Variants in RAB7A observed in about 807,000 individuals in gnomAD.
The protein encoded by RAB7A is RAB7A, member RAS oncogene family.
RAB7A carries 2 observed loss-of-function variants against 24.5 expected under a neutral mutation model. The observed-to-expected ratio is 0.08, with a 90% CI of 0.03 to 0.26. The LOEUF (loss-of-function observed/expected upper bound fraction) is 0.26. Among genes scored for constraint, RAB7A ranks in the 10% least tolerant of loss-of-function variants. RAB7A has a pLI of 1.00. For missense variants in RAB7A, 118 were observed against 255.7 expected (o/e 0.46, Z 3.67); for synonymous variants, 100 against 95.9 (o/e 1.04, Z -0.25).
At chr3:128,765,531 A>G (rs537851145) in intron 1 of RAB7A, among the ~76,000 whole-genome samples, 1 of 152,308 alleles carries the variant, frequency 6.6e-6, no homozygotes. Context: ...TATAAACAAC[A>G]GAAGTTTATT....
chr3:128,744,594 C>T (rs1478120749), intron 1 of RAB7A, among the ~76,000 whole-genome samples: 2 of 152,218 alleles, frequency 1.3e-5, no homozygotes, highest in Non-Finnish European at 2.9e-5. Flanking sequence ...TGCTAAGCTG[C>T]TTTGGGGACC....
In RAB7A at chr3:128,807,126, G is replaced by A. The variant is rs560153757; in HGVS notation, c.400-417G>A. ...GGGAAGGAATGAGAATGTGTGAGTG[G>A]CATAGGTGACATCACACTAGCAGTA... On this transcript the variant is annotated intron_variant, in intron 4 of 5. Coordinates refer to ENST00000265062, the MANE Select transcript of RAB7A (RefSeq NM_004637.6). 3.3e-5 allele frequency among the ~76,000 whole-genome samples: 5 copies of A among 152,292 alleles called. No individual in the cohort carries two copies. The South Asian group carries it at 1.0e-3, about 32-fold the overall frequency.
At chr3:128,762,186 T>G (rs746485070) in intron 1 of RAB7A, among the ~76,000 whole-genome samples, 2 of 152,178 alleles carry the variant, frequency 1.3e-5, no homozygotes, top group Non-Finnish European at 2.9e-5. Context: ...GAGGGGAAAT[T>G]GTGCTGGCAG....
chr3:128,757,135 A>G (rs2070736032), intron 1 of RAB7A, among the ~76,000 whole-genome samples: 1 of 151,992 alleles, frequency 6.6e-6, no homozygotes, highest in Non-Finnish European at 1.5e-5. Context: ...GTGAGCCACC[A>G]CACCTGGCCC....
At chr3:128,771,297 G>A (rs1027462374) in intron 1 of RAB7A, among the ~76,000 whole-genome samples, 1 of 152,310 alleles carries the variant, frequency 6.6e-6, no homozygotes, top group Non-Finnish European at 1.5e-5. Flanking sequence ...ATAATTGGTA[G>A]AAAATTTCCT....
At chr3:128,808,538 AGAAG>A (rs1297192600) in intron 5 of RAB7A, among the ~76,000 whole-genome samples, 2 of 152,200 alleles carry the variant, frequency 1.3e-5, no homozygotes, top group South Asian at 2.1e-4. Context: ...AACAACACAA[AGAAG>A]GAAGAAGATG....
chr3:128,801,641 G>A (rs1219902316), intron 3 of RAB7A, among the ~76,000 whole-genome samples: 1 of 152,134 alleles, frequency 6.6e-6, no homozygotes, highest in African/African-American at 2.4e-5. Context: ...ACCAGAAAAG[G>A]GCTGGAAGAA....
At chr3:128,761,712 G>C (rs1474132528) in intron 1 of RAB7A, among the ~76,000 whole-genome samples, 1 of 152,214 alleles carries the variant, frequency 6.6e-6, no homozygotes, top group Non-Finnish European at 1.5e-5. Flanking sequence ...AGCAGCAGCT[G>C]TCAACCTATA....
chr3:128,763,845 A>C (rs2070798745), intron 1 of RAB7A, among the ~76,000 whole-genome samples: 1 of 142,656 alleles, frequency 7.0e-6, no homozygotes, highest in African/African-American at 2.6e-5. Flanking sequence ...TTCTACTGGC[A>C]TTCACCTGTT....
intron 3 of RAB7A, chr3:128,798,302 T>TA (rs1003516628): frequency 1.5e-3 from 703 of 456,948 alleles, no homozygotes; most frequent in East Asian, 2.4e-3. Flanking sequence ...AAATTCTTCT[T>TA]AAAAAAAAAC....
intron 1 of RAB7A, among the ~76,000 whole-genome samples, chr3:128,750,088 A>G (rs917091276): frequency 2.6e-5 from 4 of 152,228 alleles, no homozygotes; most frequent in Admixed American, 1.3e-4. Context: ...AATATGGACA[A>G]TAAGGCCCAG....
intron 3 of RAB7A, among the ~76,000 whole-genome samples, chr3:128,800,884 C>G (rs1179065212): frequency 1.3e-5 from 2 of 152,032 alleles, no homozygotes; most frequent in East Asian, 3.9e-4. Flanking sequence ...GAGATTGAAG[C>G]AAAAGGATGA....
chr3:128,766,042 A>G (rs533436529), intron 1 of RAB7A, among the ~76,000 whole-genome samples: 24 of 152,140 alleles, frequency 1.6e-4, no homozygotes, highest in Middle Eastern at 3.2e-3. Context: ...GATTACAGGC[A>G]TGAGCCACCA....
intron 3 of RAB7A, among the ~76,000 whole-genome samples, chr3:128,805,869 C>G (rs1933792045): frequency 6.6e-6 from 1 of 152,156 alleles, no homozygotes; most frequent in African/African-American, 2.4e-5. Context: ...TCAGGCTGGT[C>G]TCAAACTCCT....
intron 1 of RAB7A, among the ~76,000 whole-genome samples, chr3:128,742,913 A>G (rs2107587018): frequency 6.6e-6 from 1 of 152,328 alleles, no homozygotes; most frequent in Middle Eastern, 3.4e-3. Context: ...CAGCAGTCCC[A>G]TGCTGCGCAC....
chr3:128,776,742 TC>T (rs574325042), intron 1 of RAB7A, among the ~76,000 whole-genome samples: 73 of 152,298 alleles, frequency 4.8e-4, no homozygotes, highest in African/African-American at 1.7e-3. Context: ...AAATGGGAGT[TC>T]TATTTTTAAT....
chr3:128,782,566 T>TAA (rs2107605618), intron 1 of RAB7A, among the ~76,000 whole-genome samples: 1 of 151,510 alleles, frequency 6.6e-6, no homozygotes, highest in African/African-American at 2.4e-5. Flanking sequence ...TACCTTCTGA[T>TAA]ACTTAGCCAC....
At chr3:128,728,763 G>T (rs972170630) in intron 1 of RAB7A, among the ~76,000 whole-genome samples, 2 of 152,150 alleles carry the variant, frequency 1.3e-5, no homozygotes, top group African/African-American at 4.8e-5. Flanking sequence ...GCGCCCGGCC[G>T]ACTCTGGTAG....
At chr3:128,772,684 T>A (rs1010274280) in intron 1 of RAB7A, among the ~76,000 whole-genome samples, 4 of 152,236 alleles carry the variant, frequency 2.6e-5, no homozygotes, top group African/African-American at 9.6e-5. Flanking sequence ...CTTGTGTCCC[T>A]AGTATCTGAT....
Sources: gnomAD v4.1 joint callset for allele counts (sites outside exome capture counted in the v4.1 genomes callset) on GRCh38, gnomAD v4.1.1 for gene constraint, MANE v1.5 for transcripts, NCBI Gene and HGNC (gene_info 2026-07-23, HGNC 2026-07-21) for gene names.